ADAMTS19: variants seen among roughly 807,000 people sequenced by gnomAD.
ADAMTS19 encodes the protein A disintegrin and metalloproteinase with thrombospondin motifs 19.
ADAMTS19 carries 93 observed loss-of-function variants against 153.3 expected under a neutral mutation model. The observed-to-expected ratio is 0.61, with a 90% confidence interval of 0.51 to 0.72. The LOEUF (loss-of-function observed/expected upper bound fraction) is 0.72. ADAMTS19 is among the 30% of genes least tolerant of loss of function. ADAMTS19 has a pLI of 0.00. For missense variants in ADAMTS19, 1,482 were observed against 1,552.1 expected (o/e 0.95, Z 0.76); for synonymous variants, 600 against 556.6 (o/e 1.08, Z -1.10).
intron 16 of ADAMTS19, among the ~76,000 whole-genome samples, chr5:129,668,342 G>A (rs1477469542): frequency 6.6e-6 from 1 of 152,038 alleles, no homozygotes; most frequent in African/African-American, 2.4e-5. Context: ...GTTTGTTTGT[G>A]CTGCTATAAA....
chr5:129,527,994 G>A lies in ADAMTS19; in HGVS notation c.1170+163G>A, dbSNP rs569197036. Reference sequence around the variant, plus strand: ...GGCCTTTAGTTTTGGTTAATGCCCCGATCTTATTTAAAAAATAAGATGTCG... The same window carrying A: ...GGCCTTTAGTTTTGGTTAATGCCCCAATCTTATTTAAAAAATAAGATGTCG... On this transcript the variant is annotated intron_variant, in intron 5 of 22. Transcript: ENST00000274487. 4.6e-5 allele frequency among the ~76,000 whole-genome samples: 7 copies of A among 151,872 alleles called. No individual in the cohort carries two copies. The South Asian group carries it at 6.2e-4, about 13-fold the overall frequency.
chr5:129,689,040 A>G (rs1419804753), intron 18 of ADAMTS19, among the ~76,000 whole-genome samples: 1 of 152,230 alleles, frequency 6.6e-6, no homozygotes, highest in Non-Finnish European at 1.5e-5. Flanking sequence ...CATTAACTGC[A>G]TAACTTTAAG....
Position 129,461,405 on chromosome 5 carries a change from C to A in ADAMTS19, c.395C>A (p.Ser132Tyr), listed in dbSNP as rs1299022618. 7.4e-7 allele frequency: 1 copy of A among 1,359,316 alleles called. No homozygotes were observed. The allele number at this position is 1,359,316 out of a possible 1,614,324, so 84.2% of individuals were successfully genotyped here. A position where few individuals can be genotyped will look rare whatever the true frequency, so the allele number is the denominator to read the frequency against. ...ELESQELPRG[S>Y]SGAAALSPGA... ...GAGTCGCAGGAGCTGCCGCGGGGAT[C>A]CAGCGGGGCTGCCGCCTTGTCCCCG... The change falls in exon 2 of 23, where the codon TCC becomes TAC. Residue 132 changes from serine to tyrosine, a missense_variant. Coordinates refer to ENST00000274487, the MANE Select transcript of ADAMTS19 (RefSeq NM_133638.6). The surrounding 1 kb of genome is among the most constrained non-coding windows in gnomAD (Gnocchi z 4.6).
At chr5:129,702,937 AAAAAATATATATATATATAT>A (rs1755958782) in intron 20 of ADAMTS19, among the ~76,000 whole-genome samples, 1 of 13,876 alleles carries the variant, frequency 7.2e-5, no homozygotes, top group African/African-American at 1.8e-4. Flanking sequence ...GCCAAAAAAA[AAAAAATATATATATATATAT>A]ATATATATAT....
chr5:129,513,826 ATTAAG>A (rs1003626709), intron 3 of ADAMTS19, among the ~76,000 whole-genome samples: 43 of 152,066 alleles, frequency 2.8e-4, no homozygotes, highest in African/African-American at 1.0e-3. Context: ...AAAATATACA[ATTAAG>A]TTATTATTGA....
intron 6 of ADAMTS19, among the ~76,000 whole-genome samples, chr5:129,534,761 T>G (rs1752351830): frequency 6.6e-6 from 1 of 152,170 alleles, no homozygotes; most frequent in Non-Finnish European, 1.5e-5. Flanking sequence ...ATGCAAGGCT[T>G]GTTCAACATA....
chr5:129,545,394 ACAC>A, intron 6 of ADAMTS19, among the ~76,000 whole-genome samples: 1 of 152,308 alleles, frequency 6.6e-6, no homozygotes, highest in East Asian at 1.9e-4. Context: ...AGATGCAAAT[ACAC>A]AAAGGTGCCT....
At chr5:129,690,512 C>A (rs1382467216) in intron 18 of ADAMTS19, among the ~76,000 whole-genome samples, 1 of 151,784 alleles carries the variant, frequency 6.6e-6, no homozygotes, top group South Asian at 2.1e-4. Flanking sequence ...GTGTTGTGAA[C>A]AAAGCAAAGT....
chr5:129,463,653 A>G (rs1749764348), intron 2 of ADAMTS19, among the ~76,000 whole-genome samples: 2 of 152,164 alleles, frequency 1.3e-5, no homozygotes, highest in South Asian at 2.1e-4. Context: ...TTCCCTTATG[A>G]GCTGGTGGAT....
At chr5:129,528,493 C>G in intron 5 of ADAMTS19, 27 bp from the exon 6 acceptor site, 1 of 1,527,494 alleles carries the variant, frequency 6.5e-7, no homozygotes, top group Non-Finnish European at 8.8e-7. Context: ...AATAATATGC[C>G]TTGTGATGAG....
intron 13 of ADAMTS19, among the ~76,000 whole-genome samples, chr5:129,650,549 C>T (rs1037827477): frequency 3.3e-5 from 5 of 152,138 alleles, no homozygotes; most frequent in Non-Finnish European, 7.3e-5. Flanking sequence ...ACACGTTAGC[C>T]TAACGTAGGA....
intron 2 of ADAMTS19, among the ~76,000 whole-genome samples, chr5:129,506,395 CTTTTTAAAAGTAGCTTTCTTG>C (rs1327203272): frequency 2.0e-5 from 3 of 151,578 alleles, no homozygotes; most frequent in East Asian, 3.9e-4. Flanking sequence ...TTGTTTTTTC[CTTTTTAAAAGTAGCTTTCTTG>C]TTTTTAAAAG....
chr5:129,637,713 C>T (rs1352309265), intron 10 of ADAMTS19, among the ~76,000 whole-genome samples: 2 of 152,084 alleles, frequency 1.3e-5, no homozygotes, highest in African/African-American at 2.4e-5. Context: ...GGCATGGTGG[C>T]GGGTGCCTAT....
In ADAMTS19 at chr5:129,721,042, C is replaced by T. The variant is rs74523809; in HGVS notation, c.3313-13890C>T. Among the ~76,000 whole-genome samples the T allele has an allele frequency of 7.5e-3, 1,139 of 152,266 alleles. 21 individuals are homozygous for T. Among genetic ancestry groups the T allele is most frequent in the African/African-American group, 0.026 (1,086 of 41,558 alleles). ...CCCATTGACATCATGGTTGACTATT[C>T]TCTTGTCTCATTTGGGCACTTTAGA... On this transcript the variant is annotated intron_variant, in intron 21 of 22. Coordinates refer to ENST00000274487, the MANE Select transcript of ADAMTS19 (RefSeq NM_133638.6).
At position 129,737,959 on chromosome 5, in the gene ADAMTS19, CA is replaced by C. The variant is rs1486798253; in HGVS notation, c.*747del. 6.6e-6 allele frequency: 1 copy of C among 152,348 alleles called. No individual in the cohort carries two copies. The highest frequency in any genetic ancestry group is 6.6e-5 in the Admixed American group (1 of 15,236). 9.4% of individuals were successfully genotyped at this position (152,348 alleles called of 1,614,324 possible). On this transcript the variant is annotated 3_prime_UTR_variant, in exon 23 of 23. Coordinates refer to ENST00000274487, the MANE Select transcript of ADAMTS19 (RefSeq NM_133638.6). ...AATCGTTAGAAATGGTGACATCTTA[CA>C]AAAAATGTGTATTATTTTAACATGT...
intron 20 of ADAMTS19, among the ~76,000 whole-genome samples, chr5:129,703,701 C>T (rs1194851544): frequency 2.0e-5 from 3 of 152,054 alleles, no homozygotes; most frequent in Non-Finnish European, 4.4e-5. Flanking sequence ...TACTGCACTC[C>T]AACCGGGGCG....
At chr5:129,727,908 G>T (rs971449494) in intron 21 of ADAMTS19, among the ~76,000 whole-genome samples, 3 of 152,054 alleles carry the variant, frequency 2.0e-5, no homozygotes, top group African/African-American at 7.2e-5. Flanking sequence ...AGACCTACTG[G>T]GCTGCATTCC....
At chr5:129,626,679 T>C (rs1752065502) in intron 10 of ADAMTS19, among the ~76,000 whole-genome samples, 1 of 152,148 alleles carries the variant, frequency 6.6e-6, no homozygotes, top group Non-Finnish European at 1.5e-5. Context: ...TATTTAGTCA[T>C]TGATTTGACA....
chr5:129,572,516 T>C (rs1753946582), intron 7 of ADAMTS19, among the ~76,000 whole-genome samples: 1 of 151,988 alleles, frequency 6.6e-6, no homozygotes, highest in African/African-American at 2.4e-5. Flanking sequence ...TTAGGAACAG[T>C]CCAAATGTTC....
Sources: allele counts gnomAD v4.1 joint callset (sites outside exome capture counted in the v4.1 genomes callset), GRCh38; gene constraint gnomAD v4.1.1; non-coding constraint Gnocchi (gnomAD v3.1); transcripts MANE v1.5; gene names NCBI Gene and HGNC (gene_info 2026-07-23, HGNC 2026-07-21).